Variants in SMOC2 observed in about 807,000 individuals in gnomAD.
The protein encoded by SMOC2 is SPARC related modular calcium binding 2, also known as SPARC-related modular calcium-binding protein 2.
Under a neutral mutation model 61.4 loss-of-function variants are expected in SMOC2, and 39 were observed. That is an observed-to-expected ratio of 0.64 (90% CI 0.49 to 0.83). The LOEUF is 0.83. Among genes scored for constraint, SMOC2 ranks in the 40% least tolerant of loss-of-function variants. The pLI, the probability that SMOC2 is intolerant of heterozygous loss-of-function variation, is 0.00. For synonymous variants in SMOC2, 247 were observed against 239.9 expected (o/e 1.03, Z -0.27); for missense variants, 556 against 592.9 (o/e 0.94, Z 0.65).
intron 1 of SMOC2, among the ~76,000 whole-genome samples, chr6:168,504,205 A>C (rs984212980): frequency 1.2e-4 from 18 of 152,054 alleles, no homozygotes; most frequent in African/African-American, 4.3e-4. Flanking sequence ...TTTCGGCATG[A>C]GGAACGTTTG....
At chr6:168,605,425 A>T (rs113322107) in intron 8 of SMOC2, among the ~76,000 whole-genome samples, 29 of 152,254 alleles carry the variant, frequency 1.9e-4, no homozygotes, top group African/African-American at 6.0e-4. Context: ...GTTAAAATAA[A>T]CCTATTGAAA....
At chr6:168,651,767 G>A (rs572580429) in intron 10 of SMOC2, among the ~76,000 whole-genome samples, 9 of 152,278 alleles carry the variant, frequency 5.9e-5, no homozygotes, top group Non-Finnish European at 1.0e-4. Context: ...CAGGCCGGGC[G>A]CAGGGGCTCA....
intron 7 of SMOC2, among the ~76,000 whole-genome samples, chr6:168,592,228 C>T (rs1185847677): frequency 6.6e-6 from 1 of 152,214 alleles, no homozygotes; most frequent in African/African-American, 2.4e-5. Flanking sequence ...TCACTCAGTT[C>T]TCTTTTTCCT....
At chr6:168,567,717 A>G (rs974822684) in intron 7 of SMOC2, among the ~76,000 whole-genome samples, 1 of 151,808 alleles carries the variant, frequency 6.6e-6, no homozygotes, top group Admixed American at 6.6e-5. Flanking sequence ...GATTCGGTCC[A>G]GAAACGTTAT....
At chr6:168,563,650 C>T (rs1437488206) in intron 7 of SMOC2, among the ~76,000 whole-genome samples, 1 of 152,068 alleles carries the variant, frequency 6.6e-6, no homozygotes, top group Non-Finnish European at 1.5e-5. Context: ...TGAAAAGAGG[C>T]CCAGGAGACC....
At chr6:168,466,629 G>A (rs1306878735) in intron 1 of SMOC2, among the ~76,000 whole-genome samples, 1 of 152,216 alleles carries the variant, frequency 6.6e-6, no homozygotes, top group Non-Finnish European at 1.5e-5. Flanking sequence ...CAGCATATTT[G>A]TCATAGTATT....
At chr6:168,633,271 A>G (rs1786617821) in intron 9 of SMOC2, among the ~76,000 whole-genome samples, 1 of 152,232 alleles carries the variant, frequency 6.6e-6, no homozygotes, top group African/African-American at 2.4e-5. Context: ...CAGAAACTGT[A>G]TCAGACATGC....
At position 168,604,191 on chromosome 6, in the gene SMOC2, A is replaced by G. The variant is rs112657768; in HGVS notation, c.825-3966A>G. ...GATCCGGACATCTCATCCAGATGCC[A>G]CAGTGCTCAGAGGACACAGGAGCCC... is the stretch of plus-strand genomic sequence containing the variant. On this transcript the variant is annotated intron_variant, in intron 8 of 12. Coordinates refer to ENST00000356284, the MANE Select transcript of SMOC2 (RefSeq NM_001166412.2). Among the ~76,000 whole-genome samples, 1,487 of 152,328 alleles carry G rather than the reference A, an allele frequency of 9.8e-3. 27 individuals carry two copies. Among genetic ancestry groups the G allele is most frequent in the African/African-American group, 0.031 (1,309 of 41,578 alleles).
chr6:168,649,434 G>T (rs1787135434), intron 9 of SMOC2, among the ~76,000 whole-genome samples: 1 of 152,196 alleles, frequency 6.6e-6, no homozygotes, highest in South Asian at 2.1e-4. Context: ...CCAGCAGGGA[G>T]TCTGAGAGTG....
At chr6:168,664,263 C>T in intron 12 of SMOC2, 152 bp downstream of exon 12, 1 of 705,490 alleles carries the variant, frequency 1.4e-6, no homozygotes, top group Non-Finnish European at 2.5e-6. Flanking sequence ...TGACTACACC[C>T]TATGGGGACT....
In SMOC2 at chr6:168,553,894, G is replaced by T. The variant is rs966125973; in HGVS notation, c.637+4691G>T. Among the ~76,000 whole-genome samples the T allele has an allele frequency of 6.6e-6, 1 of 151,788 alleles. No homozygotes were observed. The highest frequency in any genetic ancestry group is 1.5e-5 in the Non-Finnish European group (1 of 68,038). ...TGGTAGGAGGATTATTCCATGGGAC[G>T]AGTCGATTAAAACTTGCTTTTGAAC... On this transcript the variant is annotated intron_variant, in intron 7 of 12. Coordinates refer to ENST00000356284, the MANE Select transcript of SMOC2 (RefSeq NM_001166412.2). This position sits in a 1 kb window ranked among gnomAD's most constrained non-coding sequence, Gnocchi z 4.2.
chr6:168,633,722 G>T (rs576607055), intron 9 of SMOC2, among the ~76,000 whole-genome samples: 1 of 152,272 alleles, frequency 6.6e-6, no homozygotes, highest in African/African-American at 2.4e-5. Context: ...GGTGTTCTTG[G>T]AGCAGAGACA....
chr6:168,503,685 C>T (rs1030004034), intron 1 of SMOC2, among the ~76,000 whole-genome samples: 1 of 152,128 alleles, frequency 6.6e-6, no homozygotes, highest in African/African-American at 2.4e-5. Context: ...ATTAACTCTC[C>T]CCTGTTGGTG....
chr6:168,621,847 T>G (rs773994685), intron 9 of SMOC2, among the ~76,000 whole-genome samples: 97 of 152,332 alleles, frequency 6.4e-4, no homozygotes, highest in Non-Finnish European at 3.7e-4. Context: ...AGGTGAGATC[T>G]GGGCGGGGAC....
At chr6:168,616,709 G>T (rs186942552) in intron 9 of SMOC2, among the ~76,000 whole-genome samples, 2 of 152,338 alleles carry the variant, frequency 1.3e-5, no homozygotes, top group Admixed American at 1.3e-4. Flanking sequence ...CATTAAATCA[G>T]TTTTATTGAG....
rs922080740 is a variant in SMOC2, at chr6:168,475,893, G to A, written c.85-34022G>A. ...AGGCGTGGGCTTCACGGGGGTCTGT[G>A]TCGTTAACTGAGGGGCAGGCAGGAG... On this transcript the variant is annotated intron_variant, in intron 1 of 12. Coordinates refer to ENST00000356284, the MANE Select transcript of SMOC2 (RefSeq NM_001166412.2). The surrounding 1 kb of genome is among the most constrained non-coding windows in gnomAD (Gnocchi z 4.6). Among the ~76,000 whole-genome samples the A allele has an allele frequency of 4.6e-5, 7 of 152,016 alleles. No individual in the cohort carries two copies. The highest frequency in any genetic ancestry group is 1.7e-4 in the African/African-American group (7 of 41,420).
chr6:168,639,996 T>TGGG (rs1786851764), intron 9 of SMOC2, among the ~76,000 whole-genome samples: 1 of 152,166 alleles, frequency 6.6e-6, no homozygotes, highest in East Asian at 1.9e-4. Flanking sequence ...TGCTTTGCTT[T>TGGG]GGGGGCATAG....
chr6:168,568,977 A>G (rs1217179397), intron 7 of SMOC2, among the ~76,000 whole-genome samples: 2 of 152,184 alleles, frequency 1.3e-5, no homozygotes, highest in Non-Finnish European at 2.9e-5. Flanking sequence ...AGTTGCTCCC[A>G]ATTTTTGACA....
chr6:168,445,876 C>G (rs1781321382), intron 1 of SMOC2, among the ~76,000 whole-genome samples: 2 of 152,298 alleles, frequency 1.3e-5, no homozygotes, highest in South Asian at 2.1e-4. Context: ...CAGTCCCTAA[C>G]AAGACCATGC....
Sources: allele counts gnomAD v4.1 joint callset (sites outside exome capture counted in the v4.1 genomes callset), GRCh38; gene constraint gnomAD v4.1.1; non-coding constraint Gnocchi (gnomAD v3.1); transcripts MANE v1.5; gene names NCBI Gene and HGNC (gene_info 2026-07-23, HGNC 2026-07-21).